CHMP4C: variants seen among roughly 807,000 people sequenced by gnomAD.
CHMP4C encodes the protein charged multivesicular body protein 4C.
A neutral mutation model predicts 29.0 loss-of-function variants in CHMP4C; 28 were observed. The ratio of observed to expected loss-of-function variants is 0.97; its 90% CI spans 0.72 to 1.32. The LOEUF is 1.32. Ranked by LOEUF, CHMP4C falls within the 40% of genes most tolerant of loss-of-function variation. The pLI is 0.00. For missense variants in CHMP4C, 291 were observed against 281.0 expected, an observed-to-expected ratio of 1.04 and a Z score of -0.25; for synonymous variants, 106 against 102.4, an observed-to-expected ratio of 1.04 and a Z score of -0.21.
chr8:81,735,079 A>T (rs1227111335), intron 1 of CHMP4C, among the ~76,000 whole-genome samples: 2 of 152,008 alleles, frequency 1.3e-5, no homozygotes, highest in Non-Finnish European at 1.5e-5. Context: ...TTTTTAGTAG[A>T]TACGGGGTTT....
intron 1 of CHMP4C, among the ~76,000 whole-genome samples, chr8:81,750,214 A>G (rs1245500775): frequency 6.6e-6 from 1 of 152,236 alleles, no homozygotes; most frequent in Non-Finnish European, 1.5e-5. Flanking sequence ...ATAATCTTTT[A>G]AAAAAGGGTA....
intron 1 of CHMP4C, among the ~76,000 whole-genome samples, chr8:81,739,416 T>G (rs1372544856): frequency 8.4e-3 from 135 of 16,144 alleles, no homozygotes; most frequent in African/African-American, 0.058. Flanking sequence ...CCTGGGGGAT[T>G]GTGGGGGGGG....
At position 81,732,469 on chromosome 8, in the gene CHMP4C, G is replaced by A. The variant is rs1283367255; in HGVS notation, c.-158G>A. On this transcript the variant is annotated 5_prime_UTR_variant, in exon 1 of 5. It adds an upstream start codon to the 5' untranslated region. Coordinates refer to ENST00000297265, the MANE Select transcript of CHMP4C (RefSeq NM_152284.4). Reference sequence around the variant, plus strand: ...TGGCAGCCAGGAAATGCCCTGGAGTGTGTGTCACCTGTCCAGGACGACTTG... The same window carrying A: ...TGGCAGCCAGGAAATGCCCTGGAGTATGTGTCACCTGTCCAGGACGACTTG... 3.7e-6 allele frequency: 2 copies of A among 538,188 alleles called. No homozygotes were observed. Among genetic ancestry groups the A allele is most frequent in the Non-Finnish European group, 6.6e-6 (2 of 302,546 alleles). 33.3% of individuals were successfully genotyped at this position (538,188 alleles called of 1,614,324 possible). A position where few individuals can be genotyped will look rare whatever the true frequency, so the allele number is the denominator to read the frequency against.
At chr8:81,749,373 T>C (rs1430444529) in intron 1 of CHMP4C, among the ~76,000 whole-genome samples, 2 of 152,212 alleles carry the variant, frequency 1.3e-5, no homozygotes, top group Admixed American at 6.5e-5. Context: ...ATTGAACATA[T>C]GGCAAATGCT....
At chr8:81,757,989 A>G (rs1032399616) in intron 3 of CHMP4C, among the ~76,000 whole-genome samples, 153 bp from the exon 4 acceptor site, 2 of 152,174 alleles carry the variant, frequency 1.3e-5, no homozygotes, top group Non-Finnish European at 2.9e-5. Flanking sequence ...ATCATTGCTC[A>G]GTGTTGCAAA....
chr8:81,740,000 A>G (rs1053176986), intron 1 of CHMP4C, among the ~76,000 whole-genome samples: 2 of 152,202 alleles, frequency 1.3e-5, no homozygotes, highest in Non-Finnish European at 2.9e-5. Flanking sequence ...TTGTTTTAGA[A>G]TTAAGATTTT....
intron 1 of CHMP4C, 155 bp downstream of exon 1, chr8:81,732,971 G>A (rs1808638110): frequency 1.6e-6 from 1 of 635,378 alleles, no homozygotes; most frequent in Non-Finnish European, 2.6e-6. Context: ...ACTGACTAGG[G>A]TGAGTTGAGC....
chr8:81,758,741 A>T lies in CHMP4C; in HGVS notation c.*197A>T. ...ATCAGTGATGGAGGCCAGGCACGGTATCTCATGCCTATAATCCCAGCACTT... is the reference window on the plus strand; with the variant it reads ...ATCAGTGATGGAGGCCAGGCACGGTTTCTCATGCCTATAATCCCAGCACTT... On this transcript the variant is annotated 3_prime_UTR_variant, in exon 5 of 5. Coordinates refer to ENST00000297265, the MANE Select transcript of CHMP4C (RefSeq NM_152284.4). 1.8e-6 allele frequency: 1 copy of T among 560,192 alleles called. No individual in the cohort carries two copies. The allele number at this position is 560,192 out of a possible 1,614,324, so 34.7% of individuals were successfully genotyped here.
At chr8:81,753,036 TA>T in intron 1 of CHMP4C, 27 bp from the exon 2 acceptor site, 1 of 1,569,010 alleles carries the variant, frequency 6.4e-7, no homozygotes, top group South Asian at 1.2e-5. Context: ...TTCTCTTTCC[TA>T]ATAAATGTGG....
At position 81,732,617 on chromosome 8, in the gene CHMP4C, C is replaced by A. The variant is rs1563616564; in HGVS notation, c.-10C>A. ...CCCCCGGGATCGCTGGCCCTCCGAACTCCACAGCAATGAGCAAGTTGGGCA... is the reference window on the plus strand; with the variant it reads ...CCCCCGGGATCGCTGGCCCTCCGAAATCCACAGCAATGAGCAAGTTGGGCA... On this transcript the variant is annotated 5_prime_UTR_variant, in exon 1 of 5. Transcript: ENST00000297265. 4 of 1,531,178 alleles carry A rather than the reference C, an allele frequency of 2.6e-6. No homozygotes were observed. Among genetic ancestry groups the A allele is most frequent in the South Asian group, 1.2e-5 (1 of 82,046 alleles). 94.8% of individuals were successfully genotyped at this position (1,531,178 alleles called of 1,614,324 possible).
intron 1 of CHMP4C, among the ~76,000 whole-genome samples, chr8:81,740,853 GA>G (rs569198005): frequency 1.2e-4 from 19 of 152,162 alleles, no homozygotes; most frequent in Non-Finnish European, 1.9e-4. Context: ...TAAGGTTCAG[GA>G]TCTTGGTACT....
intron 1 of CHMP4C, among the ~76,000 whole-genome samples, chr8:81,750,685 AAT>A (rs1808890278): frequency 6.6e-6 from 1 of 152,120 alleles, no homozygotes; most frequent in South Asian, 2.1e-4. Flanking sequence ...GAGAAAACAG[AAT>A]GTTTTCAGGG....
At chr8:81,754,253 A>G (rs564390607) in intron 2 of CHMP4C, among the ~76,000 whole-genome samples, 1 of 152,282 alleles carries the variant, frequency 6.6e-6, no homozygotes, top group East Asian at 1.9e-4. Flanking sequence ...AAAATGTGTC[A>G]CAAAATCAGC....
rs1246317341 is a variant in CHMP4C, at chr8:81,753,174, A to G, written c.301A>G (p.Thr101Ala). The G allele has an allele frequency of 1.9e-6, 3 of 1,612,362 alleles. No individual in the cohort carries two copies. Among genetic ancestry groups the G allele is most frequent in the African/African-American group, 2.7e-5 (2 of 74,950 alleles). ...FQREALENSHTNTEVLRNMGF... is the reference protein window; with the variant it reads ...FQREALENSHANTEVLRNMGF... ...GAGAGAAGCCCTGGAGAACTCACAC[A>G]CCAACACTGAGGTGTTGAGGAACAT... is the stretch of plus-strand genomic sequence containing the variant. The change falls in exon 2 of 5, where the codon ACC (threonine) becomes GCC (alanine). Residue 101 changes from threonine (T) to alanine (A), a missense_variant. Physicochemically the swap from Thr to Ala is moderately conservative, Grantham distance 58. Transcript: ENST00000297265.
intron 1 of CHMP4C, among the ~76,000 whole-genome samples, chr8:81,742,748 A>C (rs1808776986): frequency 6.6e-6 from 1 of 152,162 alleles, no homozygotes; most frequent in South Asian, 2.1e-4. Context: ...GAGTTTGAAC[A>C]AAGATATTAT....
intron 1 of CHMP4C, among the ~76,000 whole-genome samples, chr8:81,737,278 G>T (rs144445672): frequency 2.0e-5 from 3 of 152,134 alleles, no homozygotes; most frequent in Non-Finnish European, 4.4e-5. Flanking sequence ...TGGGGATCAG[G>T]CATCTGTTTT....
intron 3 of CHMP4C, among the ~76,000 whole-genome samples, chr8:81,756,071 C>T (rs1386097895): frequency 6.6e-6 from 1 of 152,130 alleles, no homozygotes; most frequent in Non-Finnish European, 1.5e-5. Flanking sequence ...GAAACATTTC[C>T]AAAGCTTGGA....
chr8:81,750,229 A>T (rs1254538245), intron 1 of CHMP4C, among the ~76,000 whole-genome samples: 2 of 152,108 alleles, frequency 1.3e-5, no homozygotes, highest in Non-Finnish European at 2.9e-5. Flanking sequence ...AGGGTAAAAA[A>T]GTAGAATGAA....
intron 1 of CHMP4C, among the ~76,000 whole-genome samples, chr8:81,751,712 C>T (rs7464723): frequency 0.82 from 124,258 of 152,040 alleles, 51,116 homozygotes; most frequent in African/African-American, 0.91. Flanking sequence ...AGAAACAGTA[C>T]TGATAGCATA....
Sources: allele counts gnomAD v4.1 joint callset (sites outside exome capture counted in the v4.1 genomes callset), GRCh38; gene constraint gnomAD v4.1.1; transcripts MANE v1.5; gene names NCBI Gene and HGNC (gene_info 2026-07-23, HGNC 2026-07-21).